RBFOX1: variants seen among roughly 807,000 people sequenced by gnomAD.
RBFOX1 encodes RNA binding fox-1 homolog 1.
RBFOX1 carries 8 observed loss-of-function variants against 57.7 expected under a neutral mutation model. The observed-to-expected ratio is 0.14, with a 90% CI of 0.08 to 0.25. RBFOX1 has a LOEUF of 0.25. Among genes scored for constraint, RBFOX1 ranks in the 10% least tolerant of loss-of-function variants. RBFOX1 has a pLI of 1.00. For missense variants in RBFOX1, 611 were observed against 548.5 expected (o/e 1.11, Z -1.14); for synonymous variants, 326 against 222.4 (o/e 1.47, Z -4.15).
intron 1 of RBFOX1, among the ~76,000 whole-genome samples, chr16:5,281,290 A>G (rs9928539): frequency 0.32 from 49,291 of 152,024 alleles, 8,019 homozygotes; most frequent in Non-Finnish European, 0.33. Flanking sequence ...GTCTGAGAAG[A>G]TAATTTATGA....
chr16:7,637,334 T>C (rs2061940679), intron 11 of RBFOX1, among the ~76,000 whole-genome samples: 1 of 152,038 alleles, frequency 6.6e-6, no homozygotes, highest in Non-Finnish European at 1.5e-5. Context: ...CTGAATGTTA[T>C]CAAAATGCAA....
At chr16:5,609,777 A>G (rs1175976307) in intron 3 of RBFOX1, among the ~76,000 whole-genome samples, 1 of 146,398 alleles carries the variant, frequency 6.8e-6, no homozygotes, top group Non-Finnish European at 1.5e-5. Flanking sequence ...TAATCTCATA[A>G]TATTTTTTAT....
chr16:7,101,774 T>C lies in RBFOX1; in HGVS notation c.27+49676T>C, dbSNP rs1346355978. Among the ~76,000 whole-genome samples the C allele has an allele frequency of 2.6e-5, 4 of 152,102 alleles. No homozygotes were observed. The South Asian group carries it at 8.3e-4, about 32-fold the overall frequency. ...CTCTGATGCCTGTCCTGGTCCTCTT[T>C]CCCTTTTAATGTTAGAATGTGGCAA... On this transcript the variant is annotated intron_variant, in intron 4 of 15. Transcript: ENST00000550418.
intron 3 of RBFOX1, among the ~76,000 whole-genome samples, chr16:7,004,712 T>A (rs997902602): frequency 3.9e-5 from 6 of 152,160 alleles, no homozygotes; most frequent in African/African-American, 1.4e-4. Context: ...CAGGAAGATG[T>A]ATGGTGAGCT....
chr16:6,264,976 C>G (rs931091128), intron 1 of RBFOX1, among the ~76,000 whole-genome samples: 1 of 152,130 alleles, frequency 6.6e-6, no homozygotes, highest in East Asian at 1.9e-4. Flanking sequence ...TAAGAGCAAA[C>G]GCTTGACACC....
At chr16:5,982,986 C>G (rs945853450) in intron 4 of RBFOX1, among the ~76,000 whole-genome samples, 2 of 152,244 alleles carry the variant, frequency 1.3e-5, no homozygotes, top group African/African-American at 4.8e-5. Context: ...CACTCCCTCT[C>G]TGCCTCAGTT....
chr16:7,152,042 C>T (rs956717883), intron 4 of RBFOX1, among the ~76,000 whole-genome samples: 6 of 152,062 alleles, frequency 3.9e-5, no homozygotes, highest in African/African-American at 9.7e-5. Flanking sequence ...GTTTATGGAC[C>T]CCTGCTCTAG....
chr16:6,764,806 G>C (rs116527798), intron 3 of RBFOX1, among the ~76,000 whole-genome samples: 1 of 151,952 alleles, frequency 6.6e-6, no homozygotes, highest in Non-Finnish European at 1.5e-5. Flanking sequence ...GCATGGTGAC[G>C]GGTGCCTGTA....
Position 5,469,672 on chromosome 16 carries a change from C to T in RBFOX1, c.258+2418C>T, listed in dbSNP as rs150388705. 3.3e-4 allele frequency among the ~76,000 whole-genome samples: 50 copies of T among 152,254 alleles called. 1 individual carries two copies. Among genetic ancestry groups the T allele is most frequent in the African/African-American group, 1.2e-3 (49 of 41,544 alleles). ...CATTAAGCAGTCACTCCCCCTTCCT[C>T]CATCCCCAGCCCCTGACAACTGCTA... On this transcript the variant is annotated intron_variant, in intron 2 of 2. Coordinates refer to the RBFOX1 transcript ENST00000585867.
intron 4 of RBFOX1, among the ~76,000 whole-genome samples, chr16:7,095,527 C>G (rs1286516124): frequency 6.6e-6 from 1 of 152,138 alleles, no homozygotes; most frequent in Non-Finnish European, 1.5e-5. Flanking sequence ...CTCTTTTCCA[C>G]TTGGTTGTTT....
intron 1 of RBFOX1, among the ~76,000 whole-genome samples, chr16:6,258,712 A>G (rs115083123): frequency 5.5e-4 from 84 of 152,310 alleles, no homozygotes; most frequent in African/African-American, 2.0e-3. Context: ...CAGGGGGACT[A>G]TAGTTAATAA....
intron 3 of RBFOX1, among the ~76,000 whole-genome samples, chr16:6,889,980 A>C (rs139134138): frequency 1.3e-5 from 2 of 152,242 alleles, no homozygotes; most frequent in African/African-American, 4.8e-5. Flanking sequence ...CAGGAGACCA[A>C]TGTGTTTATA....
At chr16:6,777,086 T>C (rs2079503056) in intron 3 of RBFOX1, among the ~76,000 whole-genome samples, 1 of 152,200 alleles carries the variant, frequency 6.6e-6, no homozygotes, top group Admixed American at 6.5e-5. Context: ...AACCGTGTTG[T>C]ATACTCAATT....
chr16:7,243,492 G>A (rs191408898), intron 4 of RBFOX1, among the ~76,000 whole-genome samples: 102 of 152,290 alleles, frequency 6.7e-4, no homozygotes, highest in African/African-American at 2.1e-3. Context: ...ATTCACATAT[G>A]TTGTGGCTAA....
chr16:6,451,964 C>T (rs1217729942), intron 2 of RBFOX1, among the ~76,000 whole-genome samples: 1 of 149,830 alleles, frequency 6.7e-6, no homozygotes, highest in African/African-American at 2.5e-5. Flanking sequence ...ACCCATGGCT[C>T]TCCTTCCTTC....
At chr16:7,594,360 G>C (rs1013884577) in intron 7 of RBFOX1, among the ~76,000 whole-genome samples, 1 of 152,126 alleles carries the variant, frequency 6.6e-6, no homozygotes, top group African/African-American at 2.4e-5. Flanking sequence ...GCTAAGAGGA[G>C]CCCCAACATA....
At chr16:6,118,605 G>A (rs2096523782) in intron 1 of RBFOX1, among the ~76,000 whole-genome samples, 2 of 149,508 alleles carry the variant, frequency 1.3e-5, no homozygotes, top group South Asian at 4.3e-4. Flanking sequence ...CTCTTTCTCT[G>A]TCTCTCTTGC....
intron 3 of RBFOX1, among the ~76,000 whole-genome samples, chr16:6,823,535 G>C (rs1485290196): frequency 6.6e-6 from 1 of 152,114 alleles, no homozygotes; most frequent in African/African-American, 2.4e-5. Context: ...GGTATTACAG[G>C]AGGGAGCCAC....
intron 1 of RBFOX1, among the ~76,000 whole-genome samples, chr16:6,253,679 G>GTCTC (rs143847348): frequency 5.8e-5 from 3 of 51,968 alleles, no homozygotes; most frequent in South Asian, 6.2e-4. Flanking sequence ...GTGTGCATGT[G>GTCTC]TGTGTGTGTG....
Sources: gnomAD v4.1 joint callset for allele counts (sites outside exome capture counted in the v4.1 genomes callset) on GRCh38, gnomAD v4.1.1 for gene constraint, MANE v1.5 for transcripts, NCBI Gene and HGNC (gene_info 2026-07-23, HGNC 2026-07-21) for gene names.